The following COL13A1 variants were observed in gnomAD, a reference collection of about 807,000 sequenced individuals.
COL13A1 encodes collagen type XIII alpha 1 chain, also known as collagen alpha-1(XIII) chain.
Under a neutral mutation model 130.9 loss-of-function variants are expected in COL13A1, and 89 were observed. The observed-to-expected ratio is 0.68, with a 90% CI of 0.57 to 0.81. The LOEUF (loss-of-function observed/expected upper bound fraction) is 0.81. Among genes scored for constraint, COL13A1 ranks in the 30% least tolerant of loss-of-function variants. COL13A1 has a pLI of 0.00. For synonymous variants in COL13A1, 402 were observed against 341.6 expected, an observed-to-expected ratio of 1.18 and a Z score of -1.95; for missense variants, 879 against 934.6, an observed-to-expected ratio of 0.94 and a Z score of 0.78.
Position 69,887,573 on chromosome 10 carries a change from C to T in COL13A1, c.549+82C>T, listed in dbSNP as rs1324388333. The T allele has an allele frequency of 7.6e-6, 11 of 1,441,492 alleles. No individual in the cohort carries two copies. In the African/African-American group the frequency reaches 9.9e-5, roughly 13 times the overall value. The allele number at this position is 1,441,492 out of a possible 1,614,324, so 89.3% of individuals were successfully genotyped here. On this transcript the variant is annotated intron_variant, in intron 8 of 40. Coordinates refer to ENST00000645393, the MANE Select transcript of COL13A1 (RefSeq NM_001368882.1). ...GTTAAACTTCATCTGAGGTCAGCCC[C>T]GGTTCCACTCTTTCTCTCCCAAACC... is the stretch of plus-strand genomic sequence containing the variant.
chr10:69,880,442 G>A (rs1039900750), intron 6 of COL13A1, 61 bp from the exon 7 acceptor site: 10 of 971,160 alleles, frequency 1.0e-5, no homozygotes, highest in East Asian at 4.9e-5. Context: ...TCTCTTTCCC[G>A]CTCCTCTTCT....
intron 3 of COL13A1, among the ~76,000 whole-genome samples, chr10:69,869,187 A>G (rs1387664202): frequency 6.6e-6 from 1 of 152,020 alleles, no homozygotes; most frequent in Non-Finnish European, 1.5e-5. Flanking sequence ...CTGTTCCCAG[A>G]CCCCTTTGGG....
chr10:69,833,534 G>C (rs1849310393), intron 2 of COL13A1, among the ~76,000 whole-genome samples: 1 of 152,186 alleles, frequency 6.6e-6, no homozygotes, highest in South Asian at 2.1e-4. Flanking sequence ...CTGGGCAAGT[G>C]CTAAACAGAA....
At chr10:69,872,059 G>T (rs1482186738) in intron 3 of COL13A1, 125 bp from the exon 4 acceptor site, 3 of 1,137,050 alleles carry the variant, frequency 2.6e-6, no homozygotes, top group Non-Finnish European at 3.9e-6. Flanking sequence ...CCTTCGTTTT[G>T]TTCATAAAAT....
At chr10:69,937,736 A>G (rs757185190) in intron 34 of COL13A1, 21 bp downstream of exon 34, 6 of 1,201,036 alleles carry the variant, frequency 5.0e-6, no homozygotes, top group South Asian at 1.2e-5. Context: ...TGGACCCAGC[A>G]AGACTGGTGG....
chr10:69,803,658 T>A (rs1342785074), intron 1 of COL13A1, among the ~76,000 whole-genome samples: 2 of 151,928 alleles, frequency 1.3e-5, no homozygotes, highest in African/African-American at 4.8e-5. Flanking sequence ...CATGGAAGGT[T>A]TCCATGGGGA....
intron 7 of COL13A1, among the ~76,000 whole-genome samples, chr10:69,886,083 C>G (rs1046552159): frequency 6.6e-6 from 1 of 152,168 alleles, no homozygotes; most frequent in East Asian, 1.9e-4. Context: ...GCATGTGAAT[C>G]CAGAGAAATC....
At position 69,878,029 on chromosome 10, in the gene COL13A1, G is replaced by A; in HGVS notation, c.436-10G>A. 1 of 702,774 alleles carries A rather than the reference G, an allele frequency of 1.4e-6. No individual in the cohort carries two copies. Among genetic ancestry groups the A allele is most frequent in the South Asian group, 1.5e-5 (1 of 67,582 alleles). The allele number at this position is 702,774 out of a possible 1,614,324, so 43.5% of individuals were successfully genotyped here. ...CTTCCTGCACCCTGTGTTGCATGTG[G>A]CTGCCCCAGGGAGTAAAGGGCCAAC... On this transcript the variant is annotated splice_polypyrimidine_tract_variant and intron_variant, in intron 5 of 40. Coordinates refer to ENST00000645393, the MANE Select transcript of COL13A1 (RefSeq NM_001368882.1).
intron 2 of COL13A1, among the ~76,000 whole-genome samples, chr10:69,837,179 C>T (rs1793169958): frequency 6.6e-6 from 1 of 152,208 alleles, no homozygotes; most frequent in African/African-American, 2.4e-5. Flanking sequence ...CAACAAAGAA[C>T]TTACTTTCCC....
intron 3 of COL13A1, among the ~76,000 whole-genome samples, chr10:69,868,893 C>T (rs2058789812): frequency 6.6e-6 from 1 of 152,208 alleles, no homozygotes; most frequent in Admixed American, 6.5e-5. Context: ...TATCATCCAT[C>T]TTCCAAAATA....
At chr10:69,922,986 T>A (rs1225794498) in intron 23 of COL13A1, among the ~76,000 whole-genome samples, 192 bp downstream of exon 23, 1 of 152,198 alleles carries the variant, frequency 6.6e-6, no homozygotes, top group Non-Finnish European at 1.5e-5. Flanking sequence ...GATAACAGTT[T>A]GACCTTTCAG....
In COL13A1 at chr10:69,868,196, T is replaced by A. The variant is rs2058716348; in HGVS notation, c.372+391T>A. Among the ~76,000 whole-genome samples, 3 of 150,414 alleles carry A rather than the reference T, an allele frequency of 2.0e-5. No homozygotes were observed. In the South Asian group the frequency reaches 6.3e-4, roughly 32 times the overall value. On this transcript the variant is annotated intron_variant, in intron 3 of 40. Coordinates refer to ENST00000645393, the MANE Select transcript of COL13A1 (RefSeq NM_001368882.1). ...CTCCTCAGTTCTGCCCCTTGAAAGGTCCCAGAAAACAGGTCATCGAGCTGG... is the reference window on the plus strand; with the variant it reads ...CTCCTCAGTTCTGCCCCTTGAAAGGACCCAGAAAACAGGTCATCGAGCTGG...
chr10:69,897,300 T>C (rs1005047296), intron 13 of COL13A1, among the ~76,000 whole-genome samples: 1 of 151,962 alleles, frequency 6.6e-6, no homozygotes, highest in Non-Finnish European at 1.5e-5. Context: ...GGGTGGCAGG[T>C]CTCGGGGCCT....
At chr10:69,904,186 T>C (rs2062488412) in intron 15 of COL13A1, among the ~76,000 whole-genome samples, 1 of 151,942 alleles carries the variant, frequency 6.6e-6, no homozygotes, top group Admixed American at 6.6e-5. Flanking sequence ...TGCTCCAAAT[T>C]CACTTTTTGC....
rs1357527103 is a variant in COL13A1, at chr10:69,867,886, GA to G, written c.372+84del. 107 of 715,096 alleles carry G rather than the reference GA, an allele frequency of 1.5e-4. 2 individuals are homozygous for G. Among genetic ancestry groups the G allele is most frequent in the South Asian group, 1.3e-3 (90 of 67,182 alleles). The allele number at this position is 715,096 out of a possible 1,614,324, so 44.3% of individuals were successfully genotyped here. A position where few individuals can be genotyped will look rare whatever the true frequency, so the allele number is the denominator to read the frequency against. On this transcript the variant is annotated intron_variant, in intron 3 of 40. Coordinates refer to ENST00000645393, the MANE Select transcript of COL13A1 (RefSeq NM_001368882.1). ...TAACGGGGTTCTGGGTGGGGGCACT[GA>G]AAGCTGGGCCCCTGCTGTCTTGTTG...
intron 10 of COL13A1, among the ~76,000 whole-genome samples, chr10:69,890,419 G>T (rs2061057122): frequency 6.6e-6 from 1 of 152,252 alleles, no homozygotes; most frequent in Non-Finnish European, 1.5e-5. Flanking sequence ...TAAGATCCAG[G>T]TCGCACCTAC....
intron 2 of COL13A1, among the ~76,000 whole-genome samples, chr10:69,849,427 AC>A (rs1359750110): frequency 6.6e-6 from 1 of 152,220 alleles, no homozygotes; most frequent in Non-Finnish European, 1.5e-5. Context: ...GCAGTCACCA[AC>A]CGGCTCAGCA....
At chr10:69,932,696 G>A (rs1565107618) in intron 31 of COL13A1, 92 bp downstream of exon 31, 2 of 851,144 alleles carry the variant, frequency 2.3e-6, no homozygotes, top group Admixed American at 4.0e-5. Flanking sequence ...GCTTGCAACT[G>A]CCTGATGTTT....
chr10:69,890,768 G>A (rs2134657121), intron 10 of COL13A1, among the ~76,000 whole-genome samples: 1 of 152,382 alleles, frequency 6.6e-6, no homozygotes, highest in East Asian at 1.9e-4. Context: ...TTGCCACGTG[G>A]TTGGCACTGG....
Sources: allele counts gnomAD v4.1 joint callset (sites outside exome capture counted in the v4.1 genomes callset), GRCh38; gene constraint gnomAD v4.1.1; transcripts MANE v1.5; gene names NCBI Gene and HGNC (gene_info 2026-07-23, HGNC 2026-07-21).